The following CYP19A1 variants were observed in gnomAD, a reference collection of about 807,000 sequenced individuals.
CYP19A1 encodes the protein cytochrome P450 family 19 subfamily A member 1, also known as aromatase.
CYP19A1 carries 32 observed loss-of-function variants against 44.4 expected under a neutral mutation model. The ratio of observed to expected loss-of-function variants is 0.72; its 90% CI spans 0.54 to 0.97. The LOEUF is 0.97. CYP19A1 is among the 50% of genes least tolerant of loss of function. The pLI is 0.00. For missense variants in CYP19A1, 598 were observed against 637.8 expected, an observed-to-expected ratio of 0.94 and a Z score of 0.67; for synonymous variants, 212 against 215.6, an observed-to-expected ratio of 0.98 and a Z score of 0.14.
chr15:51,256,491 G>C (rs1269358294), intron 1 of CYP19A1, among the ~76,000 whole-genome samples: 1 of 152,190 alleles, frequency 6.6e-6, no homozygotes, highest in Non-Finnish European at 1.5e-5. Context: ...CAGGGGAGAG[G>C]TGGGAGTGGG....
At position 51,249,359 on chromosome 15, in the gene CYP19A1, A is replaced by G. The variant is rs1307128347; in HGVS notation, c.-38-6409T>C. Among the ~76,000 whole-genome samples the G allele has an allele frequency of 2.0e-5, 3 of 152,036 alleles. No homozygotes were observed. The East Asian group carries it at 5.8e-4, about 29-fold the overall frequency. On this transcript the variant is annotated intron_variant, in intron 1 of 9. Transcript: ENST00000396402. ...CTCCTCCATGTTTCCCTGCTCATCC[A>G]GTTCTGCCCCACTGGTTTCCCAAGA...
intron 2 of CYP19A1, among the ~76,000 whole-genome samples, chr15:51,239,634 TA>T (rs373481551): frequency 0.025 from 3,455 of 140,820 alleles, 46 homozygotes; most frequent in Non-Finnish European, 0.037. Flanking sequence ...GGTAAAATGA[TA>T]AAAAAAAAAA....
chr15:51,238,649 C>A (rs898416185), intron 2 of CYP19A1, among the ~76,000 whole-genome samples: 130 of 152,262 alleles, frequency 8.5e-4, no homozygotes, highest in African/African-American at 3.0e-3. Flanking sequence ...CCACCACACC[C>A]AGCCCGCCAT....
At chr15:51,288,001 A>G (rs2140983694) in intron 1 of CYP19A1, among the ~76,000 whole-genome samples, 1 of 152,346 alleles carries the variant, frequency 6.6e-6, no homozygotes, top group African/African-American at 2.4e-5. Flanking sequence ...TCAAAGCACC[A>G]TGAGTTTGAC....
chr15:51,271,168 T>A (rs1361066661), intron 1 of CYP19A1, among the ~76,000 whole-genome samples: 1 of 152,182 alleles, frequency 6.6e-6, no homozygotes, highest in Non-Finnish European at 1.5e-5. Flanking sequence ...GTCCTGATTC[T>A]TTTTTATCGC....
intron 1 of CYP19A1, among the ~76,000 whole-genome samples, chr15:51,338,122 G>C: frequency 6.6e-6 from 1 of 152,120 alleles, no homozygotes; most frequent in African/African-American, 2.4e-5. Flanking sequence ...TCTGTCTACT[G>C]GATCTGGGCT....
At chr15:51,311,183 C>T (rs537387720) in intron 1 of CYP19A1, among the ~76,000 whole-genome samples, 8 of 151,950 alleles carry the variant, frequency 5.3e-5, no homozygotes, top group South Asian at 2.1e-4. Context: ...AAAAAAACTC[C>T]GAAGCATCTA....
At chr15:51,262,155 G>A (rs1287156489) in intron 1 of CYP19A1, among the ~76,000 whole-genome samples, 1 of 152,236 alleles carries the variant, frequency 6.6e-6, no homozygotes. Context: ...ACAATAGCAT[G>A]AGCGATCTGT....
intron 1 of CYP19A1, among the ~76,000 whole-genome samples, chr15:51,267,074 C>T (rs1455798592): frequency 2.6e-5 from 4 of 152,220 alleles, no homozygotes; most frequent in Admixed American, 6.5e-5. Context: ...ATTCCCTGCT[C>T]TGGAGAGCAA....
chr15:51,235,883 C>A (rs9944225), intron 3 of CYP19A1, among the ~76,000 whole-genome samples: 14,689 of 152,268 alleles, frequency 0.096, 818 homozygotes, highest in Admixed American at 0.18. Context: ...CGAATATAAA[C>A]ATGCGTTAAT....
intron 1 of CYP19A1, among the ~76,000 whole-genome samples, chr15:51,297,343 C>T (rs993551113): frequency 6.6e-6 from 1 of 152,224 alleles, no homozygotes; most frequent in Non-Finnish European, 1.5e-5. Context: ...AACAGATGAG[C>T]CTCAAGCCAA....
In CYP19A1 at chr15:51,255,093, G is replaced by C. The variant is rs779951102; in HGVS notation, c.-38-12143C>G. Among the ~76,000 whole-genome samples, 4 of 152,160 alleles carry C rather than the reference G, an allele frequency of 2.6e-5. No homozygotes were observed. The South Asian group carries it at 6.2e-4, about 24-fold the overall frequency. Reference sequence around the variant, plus strand: ...TTAAGGGTGAGTGAGTGTTTGCCAGGAGAAGAAATGGCCAAGGAGTGACTT... The same window carrying C: ...TTAAGGGTGAGTGAGTGTTTGCCAGCAGAAGAAATGGCCAAGGAGTGACTT... On this transcript the variant is annotated intron_variant, in intron 1 of 9. Transcript: ENST00000396402.
intron 1 of CYP19A1, among the ~76,000 whole-genome samples, chr15:51,307,145 C>T (rs760894567): frequency 4.6e-5 from 7 of 152,100 alleles, no homozygotes; most frequent in Non-Finnish European, 8.8e-5. Flanking sequence ...CGAAAGCAAA[C>T]GTGCCATGAA....
chr15:51,280,214 G>A lies in CYP19A1; in HGVS notation c.-38-37264C>T, dbSNP rs961433033. 3.6e-5 allele frequency among the ~76,000 whole-genome samples: 5 copies of A among 140,290 alleles called. No individual in the cohort carries two copies. The South Asian group carries it at 1.2e-3, about 33-fold the overall frequency. The allele number at this position is 140,290 out of a possible 152,430, so 92.0% of individuals were successfully genotyped here. A position where few individuals can be genotyped will look rare whatever the true frequency, so the allele number is the denominator to read the frequency against. On this transcript the variant is annotated intron_variant, in intron 1 of 9. Transcript: ENST00000396402. ...TCGGCTCACTGCAACCTCTGCCTCCGCCTCCAGAGTAGCTGGGACTACAGG... is the reference window on the plus strand; with the variant it reads ...TCGGCTCACTGCAACCTCTGCCTCCACCTCCAGAGTAGCTGGGACTACAGG...
chr15:51,270,184 GT>G (rs3078032), intron 1 of CYP19A1, among the ~76,000 whole-genome samples: 1 of 149,126 alleles, frequency 6.7e-6, no homozygotes, highest in Admixed American at 6.7e-5. Flanking sequence ...GTATTCTTTG[GT>G]TTTTTTTTTG....
chr15:51,210,192 C>A lies in CYP19A1; in HGVS notation c.*616G>T. The A allele has an allele frequency of 2.8e-6, 1 of 359,430 alleles. No homozygotes were observed. Among genetic ancestry groups the A allele is most frequent in the Non-Finnish European group, 5.5e-6 (1 of 182,798 alleles). The allele number at this position is 359,430 out of a possible 1,614,324, so 22.3% of individuals were successfully genotyped here. On this transcript the variant is annotated 3_prime_UTR_variant, in exon 10 of 10. Transcript: ENST00000396402. ...AATCGACAGACTGGGAAAGAATTTC[C>A]TCTGATTAAACTTTTGCCACAGACA...
intron 1 of CYP19A1, among the ~76,000 whole-genome samples, chr15:51,327,853 C>T (rs1254390975): frequency 2.6e-5 from 4 of 151,562 alleles, no homozygotes; most frequent in Admixed American, 6.6e-5. Flanking sequence ...TCTACCTACA[C>T]ATAAAATTTC....
At chr15:51,263,471 A>G (rs2034804906) in intron 1 of CYP19A1, among the ~76,000 whole-genome samples, 1 of 152,350 alleles carries the variant, frequency 6.6e-6, no homozygotes, top group Non-Finnish European at 1.5e-5. Context: ...TGATAACTTG[A>G]CAGAGGTGTG....
intron 1 of CYP19A1, among the ~76,000 whole-genome samples, chr15:51,316,291 C>T (rs28633246): frequency 2.1e-3 from 325 of 152,206 alleles, no homozygotes; most frequent in African/African-American, 7.6e-3. Context: ...GAGTTCAAGA[C>T]CAGCCTGGGC....
Sources: gnomAD v4.1 joint callset for allele counts (sites outside exome capture counted in the v4.1 genomes callset) on GRCh38, gnomAD v4.1.1 for gene constraint, MANE v1.5 for transcripts, NCBI Gene and HGNC (gene_info 2026-07-23, HGNC 2026-07-21) for gene names.